Variants in SNTG1 observed in about 807,000 individuals in gnomAD.
SNTG1 encodes the protein gamma-1-syntrophin.
In SNTG1, 39 loss-of-function variants were observed where a neutral mutation model predicts 74.7. The ratio of observed to expected loss-of-function variants is 0.52; its 90% CI spans 0.40 to 0.68. The LOEUF is 0.68. Among genes scored for constraint, SNTG1 ranks in the 30% least tolerant of loss-of-function variants. The probability of loss-of-function intolerance (pLI) is 0.00; values close to 1 mark genes in which losing one functional copy is unlikely to be tolerated. For missense variants in SNTG1, 685 were observed against 609.5 expected (o/e 1.12, Z -1.30); for synonymous variants, 254 against 217.1 (o/e 1.17, Z -1.49).
intron 2 of SNTG1, among the ~76,000 whole-genome samples, chr8:50,235,544 G>A (rs957001232): frequency 7.9e-5 from 12 of 152,110 alleles, no homozygotes; most frequent in African/African-American, 2.9e-4. Flanking sequence ...AATGTACAGT[G>A]ATCTGTGAGT....
intron 2 of SNTG1, among the ~76,000 whole-genome samples, chr8:50,227,590 T>C (rs1185593519): frequency 6.6e-6 from 1 of 150,536 alleles, no homozygotes; most frequent in Non-Finnish European, 1.5e-5. Context: ...AAAAATTTCA[T>C]CATCAGGTTG....
intron 13 of SNTG1, among the ~76,000 whole-genome samples, chr8:50,626,774 T>C (rs1563664610): frequency 6.6e-6 from 1 of 152,188 alleles, no homozygotes. Flanking sequence ...AGCGTGGGTG[T>C]CATGGCCATC....
chr8:50,791,484 T>C (rs144029996), intron 18 of SNTG1, among the ~76,000 whole-genome samples: 33 of 151,936 alleles, frequency 2.2e-4, no homozygotes, highest in African/African-American at 7.7e-4. Context: ...TGGGGTATCG[T>C]ACTCCTGTTG....
intron 4 of SNTG1, among the ~76,000 whole-genome samples, chr8:50,423,809 G>A (rs1329820908): frequency 6.6e-6 from 1 of 152,124 alleles, no homozygotes; most frequent in East Asian, 1.9e-4. Flanking sequence ...CAAAAAATGT[G>A]ATGAGATGAG....
chr8:49,946,394 G>A (rs560802775), intron 1 of SNTG1, among the ~76,000 whole-genome samples: 4 of 152,216 alleles, frequency 2.6e-5, no homozygotes, highest in African/African-American at 9.6e-5. Flanking sequence ...ATAAAATCTT[G>A]AAAACTCTGG....
At chr8:50,328,930 T>C (rs921876266) in intron 2 of SNTG1, among the ~76,000 whole-genome samples, 2 of 152,134 alleles carry the variant, frequency 1.3e-5, no homozygotes, top group African/African-American at 4.8e-5. Flanking sequence ...AAAAACAAGT[T>C]AGGTACTTCC....
intron 18 of SNTG1, among the ~76,000 whole-genome samples, chr8:50,786,193 C>T (rs562311039): frequency 1.3e-5 from 2 of 151,846 alleles, no homozygotes; most frequent in South Asian, 4.1e-4. Flanking sequence ...CATACAATCC[C>T]AATGCACAAA....
chr8:50,674,094 A>G (rs1210088337), intron 15 of SNTG1, among the ~76,000 whole-genome samples: 1 of 151,842 alleles, frequency 6.6e-6, no homozygotes, highest in Non-Finnish European at 1.5e-5. Flanking sequence ...TTTATTGAAG[A>G]TTTCACATCA....
intron 13 of SNTG1, among the ~76,000 whole-genome samples, chr8:50,645,663 A>G (rs973213323): frequency 1.3e-5 from 2 of 152,178 alleles, no homozygotes; most frequent in African/African-American, 4.8e-5. Context: ...TCTCACTGTA[A>G]TGAGAGGACT....
chr8:49,984,345 A>T, intron 1 of SNTG1, among the ~76,000 whole-genome samples: 1 of 152,006 alleles, frequency 6.6e-6, no homozygotes, highest in Admixed American at 6.6e-5. Flanking sequence ...AGCTGGGATT[A>T]CAGGCATGTG....
intron 18 of SNTG1, among the ~76,000 whole-genome samples, chr8:50,775,296 G>A (rs938243166): frequency 1.3e-5 from 2 of 151,502 alleles, no homozygotes; most frequent in Non-Finnish European, 3.0e-5. Flanking sequence ...GATTGACAGT[G>A]AAACAGTCAA....
chr8:50,321,336 A>G (rs1369999426), intron 2 of SNTG1, among the ~76,000 whole-genome samples: 1 of 152,106 alleles, frequency 6.6e-6, no homozygotes, highest in Non-Finnish European at 1.5e-5. Flanking sequence ...TTTGTCTGAT[A>G]TAAGTGTAGC....
At chr8:50,176,184 C>T (rs11775978) in intron 2 of SNTG1, among the ~76,000 whole-genome samples, 44,908 of 151,906 alleles carry the variant, frequency 0.3, 6,746 homozygotes, top group South Asian at 0.43. Context: ...CCCTTGACTG[C>T]AATTGGTCCT....
Position 50,402,290 on chromosome 8 carries a change from G to C in SNTG1, c.108G>C (p.Leu36Phe). 1.9e-6 allele frequency: 3 copies of C among 1,613,696 alleles called. No homozygotes were observed. The highest frequency in any genetic ancestry group is 2.5e-6 in the Non-Finnish European group (3 of 1,179,912). Residue 36 changes from leucine (L) to phenylalanine (F), a missense_variant, in exon 4 of 19, where the codon TTG becomes TTC. Coordinates refer to ENST00000642720, the MANE Select transcript of SNTG1 (RefSeq NM_018967.5). ...GGCTGCACCTAGCCAAAGACATTTT[G>C]ATGATCCAGGAACAGGATGTGATAT... Reference protein sequence around the residue: ...KVRLHLAKDILMIQEQDVICV... With the variant: ...KVRLHLAKDIFMIQEQDVICV...
intron 1 of SNTG1, among the ~76,000 whole-genome samples, chr8:50,136,223 C>A (rs780533292): frequency 6.6e-6 from 1 of 152,070 alleles, no homozygotes; most frequent in Non-Finnish European, 1.5e-5. Context: ...CTTATGTGTG[C>A]ATGTGTCTCT....
intron 9 of SNTG1, among the ~76,000 whole-genome samples, chr8:50,514,345 A>G (rs1247082815): frequency 1.3e-5 from 2 of 152,148 alleles, no homozygotes; most frequent in East Asian, 3.8e-4. Context: ...AATGCTTTAA[A>G]ATACATATGT....
chr8:50,230,959 C>T lies in SNTG1; in HGVS notation c.-28+58324C>T, dbSNP rs547825904. On this transcript the variant is annotated intron_variant, in intron 2 of 18. Transcript: ENST00000642720. ...AAGGAAACAAGAGTGAACAGTCAAC[C>T]TTCAGACTGAGAGAAAATATTTGCA... 1.2e-3 allele frequency among the ~76,000 whole-genome samples: 185 copies of T among 151,094 alleles called. 1 individual carries two copies. The highest frequency in any genetic ancestry group is 0.01 in the Middle Eastern group (3 of 292).
intron 18 of SNTG1, among the ~76,000 whole-genome samples, chr8:50,780,798 G>A (rs957116268): frequency 4.6e-5 from 7 of 151,886 alleles, no homozygotes; most frequent in Admixed American, 3.3e-4. Flanking sequence ...GTGATGTTAG[G>A]GTGTCAATTT....
At position 50,285,620 on chromosome 8, in the gene SNTG1, G is replaced by T. The variant is rs571577887; in HGVS notation, c.-27-108592G>T. Among the ~76,000 whole-genome samples, 6 of 152,148 alleles carry T rather than the reference G, an allele frequency of 3.9e-5. No individual in the cohort carries two copies. In the South Asian group the frequency reaches 1.2e-3, roughly 32 times the overall value. On this transcript the variant is annotated intron_variant, in intron 2 of 18. Transcript: ENST00000642720. ...CTCATTATTTCTGTCATTCATGTCT[G>T]TTTATCCATCCATCCATTCATTTTT... is the stretch of plus-strand genomic sequence containing the variant.
Sources: gnomAD v4.1 joint callset for allele counts (sites outside exome capture counted in the v4.1 genomes callset) on GRCh38, gnomAD v4.1.1 for gene constraint, MANE v1.5 for transcripts, NCBI Gene and HGNC (gene_info 2026-07-23, HGNC 2026-07-21) for gene names.